The following SLC35D2 variants were observed in gnomAD, a reference collection of about 807,000 sequenced individuals.
SLC35D2 encodes the protein solute carrier family 35 member D2.
In SLC35D2, 43 loss-of-function variants were observed where a neutral mutation model predicts 41.8. That is an observed-to-expected ratio of 1.03 (90% confidence interval 0.81 to 1.33). The LOEUF is 1.33. Among genes scored for constraint, SLC35D2 ranks in the 40% most tolerant of loss-of-function variants. SLC35D2 has a pLI of 0.00. For synonymous variants in SLC35D2, 150 were observed against 163.9 expected (o/e 0.92, Z 0.65); for missense variants, 380 against 408.4 (o/e 0.93, Z 0.60).
Position 96,376,557 on chromosome 9 carries a change from C to T in SLC35D2, c.158+6920G>A, listed in dbSNP as rs560557633. The stretch of plus-strand genomic sequence containing the variant: ...ACGGGAGGTGGAGATTGCAGTGAGC[C>T]GAGATCGTGCCATTGCACTCCAGCC... On this transcript the variant is annotated intron_variant, in intron 1 of 11. Transcript: ENST00000253270. Among the ~76,000 whole-genome samples, 24 of 152,174 alleles carry T rather than the reference C, an allele frequency of 1.6e-4. 1 individual carries two copies. The South Asian group carries it at 4.4e-3, about 28-fold the overall frequency.
intron 9 of SLC35D2, among the ~76,000 whole-genome samples, chr9:96,328,727 C>T (rs10990535): frequency 0.27 from 40,756 of 152,042 alleles, 5,776 homozygotes; most frequent in East Asian, 0.55. Context: ...TATAGAAACT[C>T]AACAAACGTT....
chr9:96,354,604 T>C (rs1829940574), intron 4 of SLC35D2, among the ~76,000 whole-genome samples: 1 of 151,688 alleles, frequency 6.6e-6, no homozygotes, highest in Admixed American at 6.6e-5. Flanking sequence ...CCACTTATAC[T>C]AAAAATACAA....
chr9:96,360,717 G>A (rs1320449241), intron 3 of SLC35D2, among the ~76,000 whole-genome samples: 1 of 149,010 alleles, frequency 6.7e-6, no homozygotes. Context: ...AAGATGTCAC[G>A]ACACACCCAT....
intron 10 of SLC35D2, 122 bp from the exon 11 acceptor site, chr9:96,322,202 T>G: frequency 1.6e-6 from 1 of 637,584 alleles, no homozygotes; most frequent in Non-Finnish European, 2.8e-6. Flanking sequence ...CATAGGGATA[T>G]TCACAGGTGG....
chr9:96,324,272 G>T, intron 9 of SLC35D2, 103 bp from the exon 10 acceptor site: 1 of 811,342 alleles, frequency 1.2e-6, no homozygotes, highest in Non-Finnish European at 2.0e-6. Flanking sequence ...TTTAAGCGAA[G>T]AAAAAAGAAA....
chr9:96,366,517 A>ATTTTTTTT (rs34820429), intron 2 of SLC35D2, among the ~76,000 whole-genome samples: 4 of 103,608 alleles, frequency 3.9e-5, no homozygotes, highest in Admixed American at 3.6e-4. Flanking sequence ...CTTATCACTG[A>ATTTTTTTT]TTTTTTTTTT....
chr9:96,362,707 ATAGAT>A (rs1248565888), intron 3 of SLC35D2, among the ~76,000 whole-genome samples: 1 of 152,134 alleles, frequency 6.6e-6, no homozygotes, highest in African/African-American at 2.4e-5. Flanking sequence ...TTCACTATGT[ATAGAT>A]TAGATTTTAC....
At chr9:96,375,578 C>CAA (rs540487211) in intron 1 of SLC35D2, among the ~76,000 whole-genome samples, 4 of 126,864 alleles carry the variant, frequency 3.2e-5, no homozygotes, top group Admixed American at 8.0e-5. Context: ...AGCTCCATCT[C>CAA]AAAAAAAAAA....
At chr9:96,383,351 A>G (rs1587736293) in intron 1 of SLC35D2, 126 bp downstream of exon 1, 2 of 598,182 alleles carry the variant, frequency 3.3e-6, no homozygotes, top group Non-Finnish European at 5.1e-6. Flanking sequence ...AACTCGACCA[A>G]TGTGCCCAGC....
intron 9 of SLC35D2, among the ~76,000 whole-genome samples, chr9:96,330,516 TG>T (rs1318031087): frequency 2.0e-5 from 3 of 152,208 alleles, no homozygotes; most frequent in South Asian, 2.1e-4. Context: ...CCATCTGATG[TG>T]ACACAACATG....
intron 8 of SLC35D2, among the ~76,000 whole-genome samples, chr9:96,337,264 G>C (rs980056701): frequency 6.6e-6 from 1 of 151,924 alleles, no homozygotes; most frequent in African/African-American, 2.4e-5. Flanking sequence ...CCAGGCTGGA[G>C]TGCAGTGGTG....
intron 1 of SLC35D2, among the ~76,000 whole-genome samples, chr9:96,370,681 T>TA (rs1319961619): frequency 2.6e-5 from 4 of 151,534 alleles, no homozygotes; most frequent in East Asian, 1.9e-4. Context: ...AAATAAATTT[T>TA]AAAAAATAGT....
chr9:96,367,706 T>C (rs1353140076), intron 2 of SLC35D2, among the ~76,000 whole-genome samples: 1 of 151,400 alleles, frequency 6.6e-6, no homozygotes, highest in African/African-American at 2.4e-5. Flanking sequence ...TTCTTGAACC[T>C]GGGAGGCACA....
At chr9:96,351,392 C>A (rs1280791505) in intron 5 of SLC35D2, among the ~76,000 whole-genome samples, 2 of 151,824 alleles carry the variant, frequency 1.3e-5, no homozygotes, top group Non-Finnish European at 2.9e-5. Context: ...AAACTGATTT[C>A]TCTGTTCTCA....
chr9:96,370,636 G>A (rs558408539), intron 1 of SLC35D2, among the ~76,000 whole-genome samples: 79 of 152,056 alleles, frequency 5.2e-4, no homozygotes, highest in African/African-American at 1.8e-3. Context: ...CAGCCTGGGC[G>A]ACAGAGCAAG....
chr9:96,336,098 TAAC>T, intron 9 of SLC35D2, among the ~76,000 whole-genome samples: 1 of 150,514 alleles, frequency 6.6e-6, no homozygotes. Flanking sequence ...CAAAAAAGCC[TAAC>T]TGTTGGACAA....
intron 8 of SLC35D2, among the ~76,000 whole-genome samples, chr9:96,342,422 G>A (rs1829372991): frequency 6.6e-6 from 1 of 152,122 alleles, no homozygotes; most frequent in Admixed American, 6.6e-5. Flanking sequence ...GAGCCACCTC[G>A]CCTGGCCAAG....
In SLC35D2 at chr9:96,321,235, A is replaced by AG; in HGVS notation, c.*6dup. ...ACAAGTCAGTCTCCAATCCTGCTGCAGACTCTTTAGCTCTTCAAATCCAAA... is the reference window on the plus strand; with the variant it reads ...ACAAGTCAGTCTCCAATCCTGCTGCAGGACTCTTTAGCTCTTCAAATCCAAA... On this transcript the variant is annotated 3_prime_UTR_variant, in exon 12 of 12. Coordinates refer to ENST00000253270, the MANE Select transcript of SLC35D2 (RefSeq NM_007001.3). The AG allele has an allele frequency of 6.2e-7, 1 of 1,605,634 alleles. No individual in the cohort carries two copies. The highest frequency in any genetic ancestry group is 8.5e-7 in the Non-Finnish European group (1 of 1,172,494).
intron 1 of SLC35D2, among the ~76,000 whole-genome samples, chr9:96,379,498 G>A (rs1413616416): frequency 1.3e-5 from 2 of 152,142 alleles, no homozygotes; most frequent in Non-Finnish European, 2.9e-5. Flanking sequence ...TTGGTACCCT[G>A]ACCAGAAACA....
Sources: allele counts gnomAD v4.1 joint callset (sites outside exome capture counted in the v4.1 genomes callset), GRCh38; gene constraint gnomAD v4.1.1; transcripts MANE v1.5; gene names NCBI Gene and HGNC (gene_info 2026-07-23, HGNC 2026-07-21).